The following GRIP1 variants were observed in gnomAD, a reference collection of about 807,000 sequenced individuals.
GRIP1 encodes glutamate receptor-interacting protein 1.
A neutral mutation model predicts 129.9 loss-of-function variants in GRIP1; 45 were observed. The observed-to-expected ratio is 0.35, with a 90% CI of 0.27 to 0.44. The LOEUF (loss-of-function observed/expected upper bound fraction) is 0.44, where lower values mean the gene tolerates loss of function less well. GRIP1 is among the 20% of genes least tolerant of loss of function. The pLI, the probability that GRIP1 is intolerant of heterozygous loss-of-function variation, is 1.00. For missense variants in GRIP1, 1,196 were observed against 1,396.8 expected, an observed-to-expected ratio of 0.86 and a Z score of 2.29; for synonymous variants, 530 against 520.8, an observed-to-expected ratio of 1.02 and a Z score of -0.24.
At chr12:66,464,034 C>T (rs1398489088) in intron 8 of GRIP1, among the ~76,000 whole-genome samples, 1 of 152,142 alleles carries the variant, frequency 6.6e-6, no homozygotes, top group African/African-American at 2.4e-5. Context: ...CTGCAGTTCA[C>T]TGCACCATGG....
At chr12:66,588,905 G>A (rs986131418) in intron 2 of GRIP1, among the ~76,000 whole-genome samples, 1 of 151,486 alleles carries the variant, frequency 6.6e-6, no homozygotes, top group African/African-American at 2.4e-5. Flanking sequence ...GGAGGTGGAG[G>A]TTGCAGTGAG....
At chr12:66,378,488 C>G (rs886494450) in intron 20 of GRIP1, among the ~76,000 whole-genome samples, 1 of 151,562 alleles carries the variant, frequency 6.6e-6, no homozygotes, top group Non-Finnish European at 1.5e-5. Context: ...TGGCTCACAC[C>G]TGTAATCCCA....
At chr12:66,494,504 G>C (rs2060185014) in intron 7 of GRIP1, among the ~76,000 whole-genome samples, 2 of 152,096 alleles carry the variant, frequency 1.3e-5, no homozygotes. Context: ...TTTAATCCTA[G>C]GTTTAACACT....
At chr12:66,637,310 A>G (rs2031490104) in intron 1 of GRIP1, among the ~76,000 whole-genome samples, 1 of 152,176 alleles carries the variant, frequency 6.6e-6, no homozygotes, top group Middle Eastern at 3.4e-3. Flanking sequence ...TCTTTGAGGG[A>G]TATAGAGGGG....
At chr12:66,435,900 T>C (rs1592860302) in intron 13 of GRIP1, among the ~76,000 whole-genome samples, 2 of 152,242 alleles carry the variant, frequency 1.3e-5, no homozygotes, top group Admixed American at 6.5e-5. Context: ...AATCTTTAAA[T>C]GCCAACATGA....
chr12:66,785,783 C>A (rs1460006914), intron 1 of GRIP1, among the ~76,000 whole-genome samples: 1 of 151,878 alleles, frequency 6.6e-6, no homozygotes, highest in Admixed American at 6.6e-5. Flanking sequence ...CTTAAGTAAC[C>A]TTTAAAAGGA....
chr12:66,774,621 C>T (rs945382232), intron 1 of GRIP1, among the ~76,000 whole-genome samples: 1 of 152,154 alleles, frequency 6.6e-6, no homozygotes, highest in African/African-American at 2.4e-5. Context: ...CTTTTTACCA[C>T]AAGCTAACTA....
chr12:66,949,101 T>A (rs993854023), intron 1 of GRIP1, among the ~76,000 whole-genome samples: 2 of 152,318 alleles, frequency 1.3e-5, no homozygotes, highest in South Asian at 2.1e-4. Flanking sequence ...ATAAAACTAA[T>A]TTAAACTAAT....
chr12:66,523,380 T>A (rs1255600209), intron 5 of GRIP1, among the ~76,000 whole-genome samples: 1 of 140,590 alleles, frequency 7.1e-6, no homozygotes, highest in Non-Finnish European at 1.6e-5. Context: ...ATATTCAACA[T>A]TCTTAAAGAA....
chr12:66,483,001 T>TA (rs1160457864), intron 7 of GRIP1, among the ~76,000 whole-genome samples: 1 of 152,194 alleles, frequency 6.6e-6, no homozygotes, highest in Non-Finnish European at 1.5e-5. Context: ...TTACAGAAGA[T>TA]ACGCTGATGA....
intron 19 of GRIP1, among the ~76,000 whole-genome samples, chr12:66,383,674 A>G (rs900394845): frequency 1.3e-5 from 2 of 152,170 alleles, no homozygotes; most frequent in Non-Finnish European, 2.9e-5. Flanking sequence ...GAGGCAAGAA[A>G]AGGCATGACT....
chr12:66,835,131 A>G (rs897567423), intron 1 of GRIP1, among the ~76,000 whole-genome samples: 71 of 152,306 alleles, frequency 4.7e-4, no homozygotes, highest in African/African-American at 1.6e-3. Context: ...ACTCAAGCAG[A>G]AAACGAACAA....
chr12:66,896,490 A>AAAAAAAAAAAAC (rs2040751371), intron 1 of GRIP1, among the ~76,000 whole-genome samples: 1 of 126,164 alleles, frequency 7.9e-6, no homozygotes. Context: ...GAAAAAAAAA[A>AAAAAAAAAAAAC]AAAAAACTTT....
intron 5 of GRIP1, among the ~76,000 whole-genome samples, chr12:66,521,046 T>C (rs1410278307): frequency 6.6e-5 from 10 of 152,218 alleles, no homozygotes; most frequent in Admixed American, 6.5e-4. Context: ...GCTCTGTTGC[T>C]CCACCTAAAA....
intron 1 of GRIP1, among the ~76,000 whole-genome samples, chr12:66,993,845 C>T (rs1017014994): frequency 7.5e-5 from 11 of 146,576 alleles, no homozygotes; most frequent in South Asian, 4.3e-4. Context: ...ACCAATCTTA[C>T]AGAAATAAAA....
intron 19 of GRIP1, among the ~76,000 whole-genome samples, chr12:66,380,072 A>ATT (rs574641273): frequency 1.4e-5 from 2 of 147,866 alleles, no homozygotes; most frequent in African/African-American, 4.9e-5. Flanking sequence ...CACCCAGCTA[A>ATT]TTTTTTTTTT....
intron 1 of GRIP1, among the ~76,000 whole-genome samples, chr12:66,676,479 A>G (rs568671310): frequency 3.1e-4 from 47 of 152,282 alleles, no homozygotes; most frequent in African/African-American, 1.1e-3. Context: ...AAGAGGCCTA[A>G]TAAAGCTCTT....
chr12:66,672,672 C>A (rs529168125), intron 1 of GRIP1, among the ~76,000 whole-genome samples: 1 of 152,070 alleles, frequency 6.6e-6, no homozygotes, highest in Admixed American at 6.6e-5. Flanking sequence ...GTTTCAAACA[C>A]TGACGGCTTG....
intron 13 of GRIP1, among the ~76,000 whole-genome samples, chr12:66,439,171 C>T (rs1326722869): frequency 6.6e-6 from 1 of 152,186 alleles, no homozygotes; most frequent in Admixed American, 6.5e-5. Context: ...TTACTCCCCT[C>T]CTAATTCTAA....
Sources: allele counts gnomAD v4.1 joint callset (sites outside exome capture counted in the v4.1 genomes callset), GRCh38; gene constraint gnomAD v4.1.1; transcripts MANE v1.5; gene names NCBI Gene and HGNC (gene_info 2026-07-23, HGNC 2026-07-21).